Variants in SCAMP1 observed in about 807,000 individuals in gnomAD.
SCAMP1 encodes secretory carrier membrane protein 1, also known as secretory carrier-associated membrane protein 1.
Under a neutral mutation model 41.8 loss-of-function variants are expected in SCAMP1, and 15 were observed. The observed-to-expected ratio is 0.36, with a 90% CI of 0.24 to 0.55. The LOEUF (loss-of-function observed/expected upper bound fraction) is 0.55, where lower values mean the gene tolerates loss of function less well. SCAMP1 is among the 20% of genes least tolerant of loss of function. SCAMP1 has a pLI of 0.86. For missense variants in SCAMP1, 341 were observed against 412.6 expected, an observed-to-expected ratio of 0.83 and a Z score of 1.50; for synonymous variants, 135 against 136.8, an observed-to-expected ratio of 0.99 and a Z score of 0.09.
At chr5:78,405,806 A>G (rs1293307543) in intron 2 of SCAMP1, among the ~76,000 whole-genome samples, 3 of 152,166 alleles carry the variant, frequency 2.0e-5, no homozygotes, top group African/African-American at 4.8e-5. Flanking sequence ...TCCTTTATCT[A>G]TTTGAAAACT....
intron 7 of SCAMP1, among the ~76,000 whole-genome samples, chr5:78,455,355 A>T (rs1238222979): frequency 1.6e-5 from 2 of 125,662 alleles, no homozygotes; most frequent in Non-Finnish European, 3.3e-5. Context: ...ACTGCTTTGA[A>T]TGCATCCCAG....
intron 1 of SCAMP1, among the ~76,000 whole-genome samples, chr5:78,371,392 C>A (rs1007342982): frequency 1.3e-5 from 2 of 152,086 alleles, no homozygotes; most frequent in Non-Finnish European, 1.5e-5. Flanking sequence ...AATGGTTGTT[C>A]CAGCACCATT....
At chr5:78,429,523 C>A (rs995784273) in intron 6 of SCAMP1, among the ~76,000 whole-genome samples, 2 of 151,934 alleles carry the variant, frequency 1.3e-5, no homozygotes, top group Non-Finnish European at 2.9e-5. Context: ...GGCATACTTT[C>A]CATTTGGTCA....
At chr5:78,400,635 T>C (rs181593952) in intron 2 of SCAMP1, among the ~76,000 whole-genome samples, 1 of 152,360 alleles carries the variant, frequency 6.6e-6, no homozygotes, top group African/African-American at 2.4e-5. Flanking sequence ...TGGGTTTAAT[T>C]TGAAATTCGA....
intron 1 of SCAMP1, among the ~76,000 whole-genome samples, chr5:78,384,316 C>G (rs1350425120): frequency 6.6e-6 from 1 of 151,548 alleles, no homozygotes; most frequent in Non-Finnish European, 1.5e-5. Context: ...TTTCCTGAAA[C>G]TTTGCTGAAT....
chr5:78,360,622 GTCTC>G lies in SCAMP1; in HGVS notation c.-42_-39del, dbSNP rs748550581. ...CGCAGGGGGGCGGCGGCCTCGCCTC[GTCTC>G]TCTCTCTGCGCCTGGGTCGGGTGGG... On this transcript the variant is annotated 5_prime_UTR_variant, in exon 1 of 9. Coordinates refer to ENST00000621999, the MANE Select transcript of SCAMP1 (RefSeq NM_004866.6). 1.2e-5 allele frequency: 18 copies of G among 1,559,156 alleles called. No individual in the cohort carries two copies. The highest frequency in any genetic ancestry group is 1.6e-5 in the Non-Finnish European group (18 of 1,148,586).
At chr5:78,403,636 TACAAA>T (rs567714764) in intron 2 of SCAMP1, among the ~76,000 whole-genome samples, 11 of 152,102 alleles carry the variant, frequency 7.2e-5, no homozygotes, top group Non-Finnish European at 1.2e-4. Flanking sequence ...ATCCTGTCTC[TACAAA>T]ACAAAACAAA....
intron 6 of SCAMP1, among the ~76,000 whole-genome samples, chr5:78,430,125 AT>A (rs1311912790): frequency 2.4e-5 from 1 of 41,570 alleles, no homozygotes; most frequent in African/African-American, 7.7e-5. Context: ...TAAATACAGT[AT>A]TTATTTATAA....
At chr5:78,454,738 G>C (rs1176642262) in intron 7 of SCAMP1, among the ~76,000 whole-genome samples, 2 of 152,118 alleles carry the variant, frequency 1.3e-5, no homozygotes, top group Admixed American at 6.5e-5. Context: ...CTATTGATTG[G>C]AATAGTTTCA....
chr5:78,416,609 A>G lies in SCAMP1; in HGVS notation c.303A>G (p.Leu101=). The change falls in exon 4 of 9, where the codon TTA becomes TTG. Residue 101 remains leucine (L), a synonymous_variant. Transcript: ENST00000621999. ...AACTAGAAAGAAAAGCCGCAGAATT[A>G]GATCGTCGGGAACGAGAAATGCAAA... The part of the protein sequence containing the change: ...QEELERKAAE[L]DRREREMQNL... The G allele has an allele frequency of 6.3e-7, 1 of 1,597,940 alleles. No individual in the cohort carries two copies.
chr5:78,418,495 T>C (rs1195649315), intron 4 of SCAMP1, among the ~76,000 whole-genome samples: 1 of 152,196 alleles, frequency 6.6e-6, no homozygotes, highest in African/African-American at 2.4e-5. Context: ...TTTTGTTTCT[T>C]GTTTTTTCTG....
intron 2 of SCAMP1, among the ~76,000 whole-genome samples, chr5:78,389,555 C>T (rs553964036): frequency 1.7e-4 from 26 of 152,030 alleles, no homozygotes; most frequent in Admixed American, 2.0e-4. Context: ...AGATGTGAGC[C>T]GTGGCGCCTG....
chr5:78,414,597 TTTAGTATTTTAA>T (rs1292395916), intron 2 of SCAMP1, among the ~76,000 whole-genome samples: 2 of 152,138 alleles, frequency 1.3e-5, no homozygotes, highest in Admixed American at 6.5e-5. Flanking sequence ...CTTTATTTTA[TTTAGTATTTTAA>T]AAGACATTCT....
intron 6 of SCAMP1, among the ~76,000 whole-genome samples, chr5:78,428,737 T>A (rs1752527285): frequency 6.6e-6 from 1 of 152,116 alleles, no homozygotes; most frequent in African/African-American, 2.4e-5. Flanking sequence ...CAGCATTGAT[T>A]TTGTGAATAT....
At chr5:78,456,195 A>G (rs1753394877) in intron 7 of SCAMP1, among the ~76,000 whole-genome samples, 1 of 123,596 alleles carries the variant, frequency 8.1e-6, no homozygotes, top group African/African-American at 3.2e-5. Context: ...TTTAAAGTTA[A>G]TATTGTTATG....
At chr5:78,411,146 A>G (rs1027880262) in intron 2 of SCAMP1, among the ~76,000 whole-genome samples, 1 of 151,926 alleles carries the variant, frequency 6.6e-6, no homozygotes. Context: ...GTTTAATTAG[A>G]TCTCATTTGT....
chr5:78,388,242 C>A (rs1751393770), intron 1 of SCAMP1, among the ~76,000 whole-genome samples: 1 of 152,162 alleles, frequency 6.6e-6, no homozygotes, highest in African/African-American at 2.4e-5. Context: ...TGGTTATTTT[C>A]ATGAAAGCCT....
intron 1 of SCAMP1, among the ~76,000 whole-genome samples, chr5:78,372,029 T>G (rs1293624801): frequency 1.3e-5 from 2 of 152,210 alleles, no homozygotes; most frequent in South Asian, 2.1e-4. Flanking sequence ...TATATAGCTA[T>G]TAAAGATGTT....
intron 6 of SCAMP1, among the ~76,000 whole-genome samples, chr5:78,447,654 A>C (rs1753084589): frequency 6.6e-6 from 1 of 152,210 alleles, no homozygotes; most frequent in South Asian, 2.1e-4. Context: ...CCTAGAAAAA[A>C]ACAGGAAAAA....
Sources: gnomAD v4.1 joint callset for allele counts (sites outside exome capture counted in the v4.1 genomes callset) on GRCh38, gnomAD v4.1.1 for gene constraint, MANE v1.5 for transcripts, NCBI Gene and HGNC (gene_info 2026-07-23, HGNC 2026-07-21) for gene names.